RREB1: variants seen among roughly 807,000 people sequenced by gnomAD.
RREB1 encodes the protein ras responsive element binding protein 1.
Under a neutral mutation model 117.8 loss-of-function variants are expected in RREB1, and 27 were observed. That is an observed-to-expected ratio of 0.23 (90% CI 0.17 to 0.32). The LOEUF (loss-of-function observed/expected upper bound fraction) is 0.32. RREB1 is among the 10% of genes least tolerant of loss of function. The probability of loss-of-function intolerance (pLI) is 1.00; values close to 1 mark genes in which losing one functional copy is unlikely to be tolerated. For synonymous variants in RREB1, 1,298 were observed against 1,026.7 expected (o/e 1.26, Z -5.05); for missense variants, 2,577 against 2,378.2 (o/e 1.08, Z -1.74).
intron 6 of RREB1, among the ~76,000 whole-genome samples, chr6:7,190,148 G>A (rs1765327119): frequency 6.6e-6 from 1 of 152,180 alleles, no homozygotes; most frequent in African/African-American, 2.4e-5. Context: ...GGGACATACT[G>A]ATACAGCGGT....
At chr6:7,186,413 A>G (rs1056372732) in intron 4 of RREB1, among the ~76,000 whole-genome samples, 1 of 152,134 alleles carries the variant, frequency 6.6e-6, no homozygotes, top group Admixed American at 6.5e-5. Context: ...AGTGACTCCG[A>G]TGTGGCACGT....
Position 7,210,664 on chromosome 6 carries a change from A to G in RREB1, c.426-140A>G, listed in dbSNP as rs1255752715. ...GGAGATTATAGAGTTTTAAAAAGAT[A>G]GAAGTCACTGTATAAATTATACCTC... On this transcript the variant is annotated intron_variant, in intron 6 of 12. Coordinates refer to ENST00000379938, the MANE Select transcript of RREB1 (RefSeq NM_001003699.4). 3 of 640,204 alleles carry G rather than the reference A, an allele frequency of 4.7e-6. No homozygotes were observed. In the African/African-American group the frequency reaches 5.5e-5, roughly 12 times the overall value. The allele number at this position is 640,204 out of a possible 1,614,324, so 39.7% of individuals were successfully genotyped here. A position where few individuals can be genotyped will look rare whatever the true frequency, so the allele number is the denominator to read the frequency against.
intron 6 of RREB1, among the ~76,000 whole-genome samples, chr6:7,194,574 G>C (rs1292854332): frequency 6.6e-6 from 1 of 152,134 alleles, no homozygotes; most frequent in Non-Finnish European, 1.5e-5. Flanking sequence ...TGTGCTAATT[G>C]TTGGTTTTCT....
At chr6:7,112,864 A>C (rs1581396657) in intron 1 of RREB1, among the ~76,000 whole-genome samples, 1 of 152,148 alleles carries the variant, frequency 6.6e-6, no homozygotes. Flanking sequence ...CGTGGTCTGA[A>C]CTGCAGCCGA....
chr6:7,154,475 A>C (rs1021088587), intron 1 of RREB1, among the ~76,000 whole-genome samples: 1 of 152,236 alleles, frequency 6.6e-6, no homozygotes, highest in Non-Finnish European at 1.5e-5. Flanking sequence ...GTGAACGTAC[A>C]GTATGTGTGC....
At chr6:7,189,686 A>G (rs768981135) in intron 6 of RREB1, among the ~76,000 whole-genome samples, 6 of 152,236 alleles carry the variant, frequency 3.9e-5, no homozygotes, top group Non-Finnish European at 5.9e-5. Context: ...GCATATGCCT[A>G]CCAGATTCCT....
At chr6:7,224,997 G>A (rs988788190) in intron 8 of RREB1, among the ~76,000 whole-genome samples, 1 of 152,154 alleles carries the variant, frequency 6.6e-6, no homozygotes, top group Non-Finnish European at 1.5e-5. Context: ...GCCCGCTACA[G>A]CGCGATAAGG....
At chr6:7,157,961 G>C (rs1763464110) in intron 1 of RREB1, among the ~76,000 whole-genome samples, 1 of 152,034 alleles carries the variant, frequency 6.6e-6, no homozygotes. Flanking sequence ...TACCAGGGGT[G>C]TTTTCATGTT....
chr6:7,196,206 G>T (rs938552099), intron 6 of RREB1, among the ~76,000 whole-genome samples: 306 of 129,748 alleles, frequency 2.4e-3, no homozygotes, highest in Middle Eastern at 0.011. Context: ...TTGTTTTTTG[G>T]TTTTTTTTTT....
intron 8 of RREB1, chr6:7,213,726 A>C (rs1375640537): frequency 1.3e-5 from 2 of 152,480 alleles, no homozygotes; most frequent in East Asian, 3.9e-4. Context: ...GAAACAGCAC[A>C]GGGGACCCCA....
At chr6:7,245,688 C>T (rs1027888272) in intron 11 of RREB1, among the ~76,000 whole-genome samples, 4 of 152,154 alleles carry the variant, frequency 2.6e-5, no homozygotes, top group African/African-American at 7.2e-5. Context: ...GCCTGGAACC[C>T]AGAACCCCTT....
intron 6 of RREB1, among the ~76,000 whole-genome samples, chr6:7,192,857 G>A (rs1480540948): frequency 6.6e-6 from 1 of 151,948 alleles, no homozygotes; most frequent in Non-Finnish European, 1.5e-5. Context: ...CCTTTTTCCG[G>A]TGTTATAGCA....
intron 1 of RREB1, among the ~76,000 whole-genome samples, chr6:7,171,563 A>G (rs1449673546): frequency 6.6e-6 from 1 of 152,202 alleles, no homozygotes; most frequent in East Asian, 1.9e-4. Context: ...GAGACAAGTG[A>G]CTCAGTCCCT....
rs185470913 is a variant in RREB1, at chr6:7,173,736, G to T, written c.-284-2919G>T. On this transcript the variant is annotated intron_variant, in intron 1 of 12. Coordinates refer to ENST00000379938, the MANE Select transcript of RREB1 (RefSeq NM_001003699.4). Reference sequence around the variant, plus strand: ...CCGGGAGGCTTGAGGCACAAGAATCGCCTGAACCAGGGAGGCAGAGGTTAC... The same window carrying T: ...CCGGGAGGCTTGAGGCACAAGAATCTCCTGAACCAGGGAGGCAGAGGTTAC... 8.2e-4 allele frequency among the ~76,000 whole-genome samples: 125 copies of T among 151,712 alleles called. 1 individual carries two copies. Among genetic ancestry groups the T allele is most frequent in the Admixed American group, 1.1e-3 (17 of 15,242 alleles).
chr6:7,110,358 C>G (rs2113271556), intron 1 of RREB1, among the ~76,000 whole-genome samples: 1 of 152,306 alleles, frequency 6.6e-6, no homozygotes, highest in South Asian at 2.1e-4. Context: ...GCTAAAACCT[C>G]TTTGAAAAAC....
rs760799795 is a variant in RREB1 at position 7,247,075 on chromosome 6, A to G, written c.4625A>G (p.Glu1542Gly). ...AGCGCGGCCGAGAAAAGGTCCTCAGAGAAGAGCGACGATGACAAGAAACCA... is the reference window on the plus strand; with the variant it reads ...AGCGCGGCCGAGAAAAGGTCCTCAGGGAAGAGCGACGATGACAAGAAACCA... ...GESAAEKRSS[E>G]KSDDDKKPKT... is the part of the protein sequence containing the mutation. Residue 1542 changes from glutamate to glycine, a missense_variant, in exon 12 of 13, where the codon GAG (glutamate) becomes GGG (glycine). Physicochemically the swap from Glu to Gly is moderately conservative, Grantham distance 98 (BLOSUM62 -2). Coordinates refer to ENST00000379938, the MANE Select transcript of RREB1 (RefSeq NM_001003699.4). The G allele has an allele frequency of 1.2e-6, 2 of 1,613,682 alleles. No homozygotes were observed. Among genetic ancestry groups the G allele is most frequent in the Admixed American group, 3.3e-5 (2 of 60,030 alleles).
chr6:7,123,259 G>A (rs1007246456), intron 1 of RREB1, among the ~76,000 whole-genome samples: 24 of 151,970 alleles, frequency 1.6e-4, no homozygotes, highest in Admixed American at 1.2e-3. Context: ...CCGGGTTCAA[G>A]CGATTCTCCT....
At chr6:7,220,339 G>A (rs1314072170) in intron 8 of RREB1, among the ~76,000 whole-genome samples, 2 of 152,212 alleles carry the variant, frequency 1.3e-5, no homozygotes, top group Non-Finnish European at 2.9e-5. Flanking sequence ...GCTCCTGTAA[G>A]TTGAGGTCAG....
chr6:7,246,664 G>T lies in RREB1; in HGVS notation c.4214G>T (p.Gly1405Val). The T allele has an allele frequency of 1.9e-6, 3 of 1,579,684 alleles. No individual in the cohort carries two copies. The highest frequency in any genetic ancestry group is 2.6e-6 in the Non-Finnish European group (3 of 1,163,002). The change falls in exon 12 of 13, where the codon GGC becomes GTC. Residue 1405 changes from glycine (G) to valine (V), a missense_variant. Gly to Val is a moderately radical substitution (Grantham distance 109, BLOSUM62 -3). Coordinates refer to ENST00000379938, the MANE Select transcript of RREB1 (RefSeq NM_001003699.4). ...GTEESTGDAD[G>V]AEEDASSNQS... ...GAGGAGAGCACTGGGGACGCCGACG[G>T]CGCGGAAGAGGACGCGTCGAGCAAC...
Sources: allele counts gnomAD v4.1 joint callset (sites outside exome capture counted in the v4.1 genomes callset), GRCh38; gene constraint gnomAD v4.1.1; transcripts MANE v1.5; gene names NCBI Gene and HGNC (gene_info 2026-07-23, HGNC 2026-07-21).